SLC24A3: variants seen among roughly 807,000 people sequenced by gnomAD.
The protein encoded by SLC24A3 is sodium/potassium/calcium exchanger 3.
A neutral mutation model predicts 75.8 loss-of-function variants in SLC24A3; 28 were observed. The observed-to-expected ratio is 0.37, with a 90% CI of 0.27 to 0.51. The LOEUF (loss-of-function observed/expected upper bound fraction) is 0.51, where lower values mean the gene tolerates loss of function less well. Ranked by LOEUF, SLC24A3 falls within the 20% of genes least tolerant of loss-of-function variation. The pLI is 0.94. For missense variants in SLC24A3, 663 were observed against 847.8 expected (o/e 0.78, Z 2.71); for synonymous variants, 372 against 334.1 (o/e 1.11, Z -1.24).
intron 2 of SLC24A3, among the ~76,000 whole-genome samples, chr20:19,322,662 G>A (rs545325107): frequency 1.4e-3 from 207 of 151,992 alleles, no homozygotes; most frequent in Non-Finnish European, 2.6e-3. Context: ...TGTAATTATC[G>A]AGCACTGGTC....
At chr20:19,438,982 C>CA (rs2122464620) in intron 2 of SLC24A3, among the ~76,000 whole-genome samples, 1 of 152,362 alleles carries the variant, frequency 6.6e-6, no homozygotes, top group East Asian at 1.9e-4. Flanking sequence ...CATGGTGAGA[C>CA]AAGTGCATAC....
intron 2 of SLC24A3, among the ~76,000 whole-genome samples, chr20:19,351,633 G>C (rs1410370693): frequency 1.3e-5 from 2 of 152,138 alleles, no homozygotes; most frequent in South Asian, 2.1e-4. Flanking sequence ...CTTTCCTGGG[G>C]TATCTGTCAG....
chr20:19,508,388 C>T (rs1600258306), intron 2 of SLC24A3, among the ~76,000 whole-genome samples: 1 of 152,262 alleles, frequency 6.6e-6, no homozygotes, highest in East Asian at 1.9e-4. Flanking sequence ...TCCTTTTGCT[C>T]AGACATGTTA....
intron 2 of SLC24A3, among the ~76,000 whole-genome samples, chr20:19,503,513 C>G (rs1484679409): frequency 6.6e-6 from 1 of 152,086 alleles, no homozygotes; most frequent in Admixed American, 6.5e-5. Context: ...GAGTAATTTG[C>G]AGATTCTTTA....
At chr20:19,520,342 C>A (rs2030075999) in intron 3 of SLC24A3, among the ~76,000 whole-genome samples, 1 of 152,180 alleles carries the variant, frequency 6.6e-6, no homozygotes, top group South Asian at 2.1e-4. Context: ...CTCCACTGAG[C>A]TGTTGGAGTT....
intron 1 of SLC24A3, among the ~76,000 whole-genome samples, chr20:19,259,430 G>A (rs1982915707): frequency 6.6e-6 from 1 of 152,176 alleles, no homozygotes; most frequent in African/African-American, 2.4e-5. Context: ...CTCTGCTGGT[G>A]ACAGTTCAGG....
intron 6 of SLC24A3, among the ~76,000 whole-genome samples, chr20:19,643,929 G>A (rs755994607): frequency 1.7e-4 from 26 of 152,166 alleles, no homozygotes; most frequent in Non-Finnish European, 2.9e-4. Context: ...AATGTGACAG[G>A]TATACATTTT....
In SLC24A3 at chr20:19,519,067, C is replaced by G. The variant is rs1412932504; in HGVS notation, c.348+3503C>G. Among the ~76,000 whole-genome samples the G allele has an allele frequency of 3.9e-5, 6 of 152,282 alleles. No homozygotes were observed. The East Asian group carries it at 1.2e-3, about 30-fold the overall frequency. ...GAGAGGGCCATGGGGCTGTCTTTTCCTGGGGTTCACTGCTCGTAGTCATGG... is the reference window on the plus strand; with the variant it reads ...GAGAGGGCCATGGGGCTGTCTTTTCGTGGGGTTCACTGCTCGTAGTCATGG... On this transcript the variant is annotated intron_variant, in intron 3 of 16. Transcript: ENST00000328041.
chr20:19,423,836 G>T (rs963788064), intron 2 of SLC24A3, among the ~76,000 whole-genome samples: 2 of 152,170 alleles, frequency 1.3e-5, no homozygotes, highest in African/African-American at 4.8e-5. Flanking sequence ...AGGATGCCAG[G>T]TTTGTCGGTA....
At chr20:19,213,929 T>C (rs1981480794) in intron 1 of SLC24A3, among the ~76,000 whole-genome samples, 1 of 152,064 alleles carries the variant, frequency 6.6e-6, no homozygotes, top group African/African-American at 2.4e-5. Context: ...TAAAGGGTTG[T>C]GAGAAAGAAA....
At chr20:19,289,720 G>A (rs1983895339) in intron 2 of SLC24A3, among the ~76,000 whole-genome samples, 1 of 152,172 alleles carries the variant, frequency 6.6e-6, no homozygotes, top group Admixed American at 6.5e-5. Context: ...ACTCCCTGGG[G>A]TTCACTCCCA....
intron 1 of SLC24A3, among the ~76,000 whole-genome samples, chr20:19,265,523 T>A (rs1269877705): frequency 6.6e-6 from 1 of 152,178 alleles, no homozygotes; most frequent in South Asian, 2.1e-4. Context: ...TGGGATGGGA[T>A]TTTTTTAAAA....
chr20:19,306,350 TCAATCCAGCAATCTCATTA>T (rs1352808741), intron 2 of SLC24A3, among the ~76,000 whole-genome samples: 1 of 152,204 alleles, frequency 6.6e-6, no homozygotes, highest in East Asian at 1.9e-4. Flanking sequence ...GAACTACCAT[TCAATCCAGCAATCTCATTA>T]CTGGGTATAT....
chr20:19,463,670 CA>C (rs1987718020), intron 2 of SLC24A3, among the ~76,000 whole-genome samples: 1 of 686 alleles, frequency 1.5e-3, no homozygotes, highest in African/African-American at 0.029. Flanking sequence ...CTGAAGAGCA[CA>C]GGATGTGCAC....
At chr20:19,471,834 C>T (rs767283130) in intron 2 of SLC24A3, among the ~76,000 whole-genome samples, 7 of 152,096 alleles carry the variant, frequency 4.6e-5, no homozygotes, top group Non-Finnish European at 1.0e-4. Flanking sequence ...ATGGAGGCAG[C>T]CAATTTGTCT....
At chr20:19,316,829 A>T (rs1174772192) in intron 2 of SLC24A3, among the ~76,000 whole-genome samples, 3 of 152,164 alleles carry the variant, frequency 2.0e-5, no homozygotes, top group Admixed American at 6.5e-5. Context: ...TCTTTTTTTA[A>T]AAATTTCCTA....
Position 19,346,751 on chromosome 20 carries a change from G to A in SLC24A3, c.271+65664G>A, listed in dbSNP as rs548834237. Among the ~76,000 whole-genome samples, 311 of 152,156 alleles carry A rather than the reference G, an allele frequency of 2.0e-3. 1 individual carries two copies. Among genetic ancestry groups the A allele is most frequent in the African/African-American group, 6.3e-3 (263 of 41,496 alleles). The stretch of plus-strand genomic sequence containing the variant: ...ACATTGGATACGGTGTACACTGCTC[G>A]GGTGATGGGTGCACAGAAATCTCAG... On this transcript the variant is annotated intron_variant, in intron 2 of 16. Transcript: ENST00000328041.
At chr20:19,579,919 C>A in intron 3 of SLC24A3, 81 bp from the exon 4 acceptor site, 1 of 1,042,628 alleles carries the variant, frequency 9.6e-7, no homozygotes, top group South Asian at 1.4e-5. Flanking sequence ...AAGACATTAT[C>A]AAAGCAGAAG....
chr20:19,230,149 G>C (rs1264387405), intron 1 of SLC24A3, among the ~76,000 whole-genome samples: 1 of 151,838 alleles, frequency 6.6e-6, no homozygotes, highest in Non-Finnish European at 1.5e-5. Context: ...CCTTGAAAGA[G>C]AAGGTCCAGG....
Sources: gnomAD v4.1 joint callset for allele counts (sites outside exome capture counted in the v4.1 genomes callset) on GRCh38, gnomAD v4.1.1 for gene constraint, MANE v1.5 for transcripts, NCBI Gene and HGNC (gene_info 2026-07-23, HGNC 2026-07-21) for gene names.